NBAS: variants seen among roughly 807,000 people sequenced by gnomAD.
The protein encoded by NBAS is NBAS subunit of NRZ tethering complex.
NBAS carries 219 observed loss-of-function variants against 302.5 expected under a neutral mutation model. That is an observed-to-expected ratio of 0.72 (90% CI 0.65 to 0.81). The LOEUF (loss-of-function observed/expected upper bound fraction) is 0.81, where lower values mean the gene tolerates loss of function less well. Among genes scored for constraint, NBAS ranks in the 30% least tolerant of loss-of-function variants. NBAS has a pLI of 0.00. For synonymous variants in NBAS, 1,118 were observed against 1,021.6 expected (o/e 1.09, Z -1.80); for missense variants, 2,932 against 2,841.6 (o/e 1.03, Z -0.72).
At position 15,474,295 on chromosome 2, in the gene NBAS, A is replaced by C. The variant is rs148100286; in HGVS notation, c.1371T>G (p.Ser457=). The C allele has an allele frequency of 9.2e-4, 1,488 of 1,613,694 alleles. 12 individuals carry two copies. In the African/African-American group the frequency reaches 0.018, roughly 20 times the overall value. ...CTTCTCCAGCTCTAGTCTCCAAACG[A>C]GATCGTTTGGGGGCAAGTTTAATCT... ...ECEIKLAPKR[S]RLETRAGEED... The change falls in exon 15 of 52, where the codon TCT becomes TCG. Residue 457 remains serine (S), a synonymous_variant. Coordinates refer to ENST00000281513, the MANE Select transcript of NBAS (RefSeq NM_015909.4).
the NBAS span, among the ~76,000 whole-genome samples, chr2:14,979,226 G>C: frequency 2.7e-3 from 405 of 152,264 alleles, 2 homozygotes; most frequent in Middle Eastern, 0.017. Flanking sequence ...TCTGCATTAT[G>C]AGAAGCAAAG....
At chr2:15,121,583 A>G in the NBAS span, among the ~76,000 whole-genome samples, 1 of 152,234 alleles carries the variant, frequency 6.6e-6, no homozygotes, top group Non-Finnish European at 1.5e-5. Flanking sequence ...CTTTATTTTC[A>G]TTCATCACTA....
chr2:15,086,262 G>A, the NBAS span, among the ~76,000 whole-genome samples: 1 of 152,154 alleles, frequency 6.6e-6, no homozygotes, highest in Admixed American at 6.5e-5. Context: ...CCTCTGAGAG[G>A]AGCTTCCCAC....
chr2:15,287,761 C>T (rs1226329654), intron 41 of NBAS, among the ~76,000 whole-genome samples: 1 of 151,758 alleles, frequency 6.6e-6, no homozygotes, highest in Non-Finnish European at 1.5e-5. Flanking sequence ...ACATCCTGAG[C>T]ACCCCATGTA....
chr2:15,056,357 A>C, the NBAS span, among the ~76,000 whole-genome samples: 1 of 152,342 alleles, frequency 6.6e-6, no homozygotes, highest in East Asian at 1.9e-4. Flanking sequence ...GTATTTGGGT[A>C]TGATGGGGTA....
the NBAS span, among the ~76,000 whole-genome samples, chr2:15,128,928 G>A: frequency 2.0e-5 from 3 of 152,248 alleles, no homozygotes; most frequent in Admixed American, 6.5e-5. Context: ...GAGTCAGGAG[G>A]AGGACAGATT....
chr2:15,359,065 C>A (rs1032088354), intron 32 of NBAS, among the ~76,000 whole-genome samples: 4 of 152,172 alleles, frequency 2.6e-5, no homozygotes, highest in Non-Finnish European at 5.9e-5. Context: ...TCAGTTGGAA[C>A]AGAGACTGTC....
At chr2:14,895,739 C>CAAAAAAAAAAAA in the NBAS span, among the ~76,000 whole-genome samples, 21 of 95,374 alleles carry the variant, frequency 2.2e-4, no homozygotes, top group Non-Finnish European at 3.1e-4. Flanking sequence ...GACTCCGTCT[C>CAAAAAAAAAAAA]AAAAAAAAAA....
the NBAS span, among the ~76,000 whole-genome samples, chr2:15,060,261 C>T: frequency 4.2e-3 from 633 of 152,238 alleles, 5 homozygotes; most frequent in Middle Eastern, 0.014. Context: ...CTGCCATGTC[C>T]GGGGAGCACA....
intron 35 of NBAS, among the ~76,000 whole-genome samples, chr2:15,349,800 A>G (rs796531815): frequency 3.3e-5 from 5 of 152,316 alleles, no homozygotes; most frequent in African/African-American, 1.2e-4. Flanking sequence ...AAATAAATAA[A>G]TTAATTAAAT....
chr2:14,803,861 G>A, the NBAS span, among the ~76,000 whole-genome samples: 1 of 152,062 alleles, frequency 6.6e-6, no homozygotes, highest in Non-Finnish European at 1.5e-5. Context: ...TTTTGGCCAG[G>A]CTGGTCTCAA....
chr2:14,892,069 G>T, the NBAS span, among the ~76,000 whole-genome samples: 1 of 152,258 alleles, frequency 6.6e-6, no homozygotes, highest in East Asian at 1.9e-4. Flanking sequence ...TAATCAGTCA[G>T]TATGTGCTCT....
At chr2:14,966,082 A>AAC in the NBAS span, among the ~76,000 whole-genome samples, 1 of 152,198 alleles carries the variant, frequency 6.6e-6, no homozygotes, top group African/African-American at 2.4e-5. Flanking sequence ...CGAACCCCAG[A>AAC]ACACCAAGGG....
chr2:15,439,708 C>T (rs1333014848), intron 21 of NBAS, among the ~76,000 whole-genome samples: 1 of 152,178 alleles, frequency 6.6e-6, no homozygotes, highest in African/African-American at 2.4e-5. Context: ...CGAGGCATTG[C>T]CTCACTCGGG....
At chr2:15,390,237 C>G (rs943069515) in intron 28 of NBAS, among the ~76,000 whole-genome samples, 1 of 152,220 alleles carries the variant, frequency 6.6e-6, no homozygotes, top group African/African-American at 2.4e-5. Context: ...CTAGAAGGAG[C>G]TCTTCCTCCA....
chr2:15,529,581 G>A (rs946033837), intron 9 of NBAS, among the ~76,000 whole-genome samples: 4 of 151,988 alleles, frequency 2.6e-5, no homozygotes, highest in African/African-American at 9.7e-5. Context: ...ACAATAAAAC[G>A]GGATCCCAAA....
chr2:15,509,877 T>G (rs1330828788), intron 10 of NBAS, among the ~76,000 whole-genome samples: 4 of 151,126 alleles, frequency 2.6e-5, no homozygotes, highest in African/African-American at 9.7e-5. Flanking sequence ...TGAGACGGAG[T>G]CTGGCTCTGT....
chr2:15,551,526 C>T lies in NBAS; in HGVS notation c.346G>A (p.Asp116Asn). Residue 116 changes from aspartate (D) to asparagine (N), a missense_variant, in exon 6 of 52, where the codon GAT becomes AAT. Physicochemically the swap from Asp to Asn is conservative, Grantham distance 23 (BLOSUM62 1). Coordinates refer to ENST00000281513, the MANE Select transcript of NBAS (RefSeq NM_015909.4). ...TTCCCAATAATGGATGTAAAATCAT[C>T]TTTTGCAGACCTGTAAAACATGCAA... is the stretch of plus-strand genomic sequence containing the variant. Reference protein sequence around the residue: ...DQCVEIRSAKDDFTSIIGKCQ... With the variant: ...DQCVEIRSAKNDFTSIIGKCQ... 6.2e-7 allele frequency: 1 copy of T among 1,609,030 alleles called. No individual in the cohort carries two copies. The highest frequency in any genetic ancestry group is 8.5e-7 in the Non-Finnish European group (1 of 1,176,970).
chr2:15,551,658 C>G (rs1274761208), intron 5 of NBAS, 122 bp from the exon 6 acceptor site: 3 of 677,400 alleles, frequency 4.4e-6, no homozygotes, highest in Non-Finnish European at 7.6e-6. Flanking sequence ...TCCTCTCAGA[C>G]ATGGTTTTGT....
Sources: gnomAD v4.1 joint callset for allele counts (sites outside exome capture counted in the v4.1 genomes callset) on GRCh38, gnomAD v4.1.1 for gene constraint, MANE v1.5 for transcripts, NCBI Gene and HGNC (gene_info 2026-07-23, HGNC 2026-07-21) for gene names.